PCDHA8: variants seen among roughly 807,000 people sequenced by gnomAD.
PCDHA8 encodes protocadherin alpha 8, also known as protocadherin alpha-8.
In PCDHA8, 53 loss-of-function variants were observed where a neutral mutation model predicts 61.8. The ratio of observed to expected loss-of-function variants is 0.86; its 90% CI spans 0.69 to 1.08. The LOEUF (loss-of-function observed/expected upper bound fraction) is 1.08, where lower values mean the gene tolerates loss of function less well. PCDHA8 is among the 50% of genes least tolerant of loss of function. The probability of loss-of-function intolerance (pLI) is 0.00; values close to 1 mark genes in which losing one functional copy is unlikely to be tolerated. For synonymous variants in PCDHA8, 618 were observed against 556.6 expected (o/e 1.11, Z -1.55); for missense variants, 1,293 against 1,245.0 (o/e 1.04, Z -0.58).
intron 1 of PCDHA8, chr5:140,883,520 G>T (rs1554178526): frequency 6.2e-7 from 1 of 1,614,104 alleles, no homozygotes; most frequent in African/African-American, 1.3e-5. Context: ...CCGCGAGAGC[G>T]TATCAGCCTA....
At position 140,841,556 on chromosome 5, in the gene PCDHA8, C is replaced by A. The variant is rs2150318181; in HGVS notation, c.235C>A (p.Leu79Met). The change falls in exon 1 of 4, where the codon CTG becomes ATG. Residue 79 changes from leucine to methionine, a missense_variant. Leu to Met is a conservative substitution (Grantham distance 15, BLOSUM62 2). Transcript: ENST00000531613. ...KRHRDLLEVS[L>M]QNGILFVNSR... is the part of the protein sequence containing the mutation. ...ACACCGGGACCTTCTGGAGGTAAGT[C>A]TGCAGAATGGCATTTTGTTTGTGAA... 1 of 1,613,884 alleles carries A rather than the reference C, an allele frequency of 6.2e-7. No individual in the cohort carries two copies. Among genetic ancestry groups the A allele is most frequent in the South Asian group, 1.1e-5 (1 of 91,068 alleles).
Position 140,877,150 on chromosome 5 carries a change from G to C in PCDHA8, c.2394+33435G>C, listed in dbSNP as rs370292278. On this transcript the variant is annotated intron_variant, in intron 1 of 3. Transcript: ENST00000531613. ...GCAGGTGTTCGTGCTGGACGAGAAC[G>C]ACAACGCGCCGGCACTGCTGGCGAC... 1 of 1,613,790 alleles carries C rather than the reference G, an allele frequency of 6.2e-7. No individual in the cohort carries two copies. The highest frequency in any genetic ancestry group is 2.2e-5 in the East Asian group (1 of 44,870).
chr5:140,997,668 T>TGTGTG (rs2097778571), intron 3 of PCDHA8, among the ~76,000 whole-genome samples: 1 of 148,244 alleles, frequency 6.7e-6, no homozygotes, highest in African/African-American at 2.5e-5. Flanking sequence ...ATTATACAGC[T>TGTGTG]TGTGTGTGTG....
chr5:140,905,130 GT>G (rs1448449678), intron 1 of PCDHA8, among the ~76,000 whole-genome samples: 11 of 152,178 alleles, frequency 7.2e-5, no homozygotes, highest in African/African-American at 2.7e-4. Flanking sequence ...GTCTAGAAGA[GT>G]TTTTCTGCTG....
intron 1 of PCDHA8, among the ~76,000 whole-genome samples, chr5:140,961,185 G>T (rs2095595656): frequency 6.6e-6 from 1 of 152,100 alleles, no homozygotes; most frequent in Non-Finnish European, 1.5e-5. Context: ...ACTCCTCACA[G>T]GACCCTAGTG....
At chr5:140,849,816 G>A (rs2150451582) in intron 1 of PCDHA8, 4 of 1,598,578 alleles carry the variant, frequency 2.5e-6, no homozygotes, top group East Asian at 2.2e-5. Flanking sequence ...CACGGCCAGG[G>A]TGTCTGTGGA....
chr5:140,994,142 G>C (rs550428204), intron 3 of PCDHA8, among the ~76,000 whole-genome samples: 8 of 152,180 alleles, frequency 5.3e-5, no homozygotes, highest in Admixed American at 4.6e-4. Context: ...AATGCCCTAC[G>C]TAGGTAGGGT....
chr5:140,902,750 A>C (rs1367370245), intron 1 of PCDHA8, among the ~76,000 whole-genome samples: 1 of 151,888 alleles, frequency 6.6e-6, no homozygotes. Flanking sequence ...AATCCATTAT[A>C]TCATTCTTAT....
At chr5:140,927,400 C>G (rs782428365) in intron 1 of PCDHA8, 11 of 1,614,126 alleles carry the variant, frequency 6.8e-6, no homozygotes, top group Non-Finnish European at 8.5e-6. Flanking sequence ...TCAGCACTTT[C>G]GCCTGGACAT....
chr5:140,847,830 A>G lies in PCDHA8; in HGVS notation c.2394+4115A>G, dbSNP rs137920365. The G allele has an allele frequency of 3.3e-5, 5 of 149,914 alleles. No homozygotes were observed. In the East Asian group the frequency reaches 7.7e-4, roughly 23 times the overall value. The allele number at this position is 149,914 out of a possible 1,614,324, so 9.3% of individuals were successfully genotyped here. ...ATTCATAGAATTACTCAAGAAAACT[A>G]CCTCAGTTGGTTGCTACTTTTTGTT... On this transcript the variant is annotated intron_variant, in intron 1 of 3. Transcript: ENST00000531613.
In PCDHA8 at chr5:140,877,704, C is replaced by T. The variant is rs116613760; in HGVS notation, c.2394+33989C>T. 1.6e-3 allele frequency: 2,639 copies of T among 1,613,952 alleles called. 39 individuals are homozygous for T. The African/African-American group carries it at 0.027, about 17-fold the overall frequency. On this transcript the variant is annotated intron_variant, in intron 1 of 3. Coordinates refer to ENST00000531613, the MANE Select transcript of PCDHA8 (RefSeq NM_018911.3). ...AGCCCACGCTGGTGTGCTCCAGCGC[C>T]GTGGGGAGTTGGTCTTACTCGCAGC...
At chr5:140,861,124 A>G (rs1426704260) in intron 1 of PCDHA8, 4 of 153,324 alleles carry the variant, frequency 2.6e-5, no homozygotes, top group African/African-American at 9.6e-5. Flanking sequence ...AACACCCATT[A>G]AGACCACTTG....
intron 1 of PCDHA8, chr5:140,875,400 T>C: frequency 6.7e-7 from 1 of 1,485,268 alleles, no homozygotes; most frequent in Admixed American, 2.6e-5. Flanking sequence ...AAAGGGTGAC[T>C]GCTCATAAAA....
intron 1 of PCDHA8, among the ~76,000 whole-genome samples, chr5:140,963,504 G>T (rs1044640224): frequency 4.6e-5 from 7 of 152,222 alleles, no homozygotes; most frequent in Admixed American, 1.3e-4. Flanking sequence ...CAAATCTCTT[G>T]AAGGGGTTCT....
At position 141,010,124 on chromosome 5, in the gene PCDHA8, G is replaced by C. The variant is rs1161168842; in HGVS notation, c.*187G>C. 1.2e-6 allele frequency: 2 copies of C among 1,605,172 alleles called. No homozygotes were observed. The highest frequency in any genetic ancestry group is 1.1e-5 in the South Asian group (1 of 90,170). On this transcript the variant is annotated 3_prime_UTR_variant, in exon 4 of 4. Coordinates refer to ENST00000531613, the MANE Select transcript of PCDHA8 (RefSeq NM_018911.3). ...GGTTTTGTCGTAAAAGCTTTACTAA[G>C]TCTGGTGTTAACTCTTTCTCTCCAC...
chr5:140,969,822 G>A (rs559271640), intron 1 of PCDHA8, among the ~76,000 whole-genome samples: 68 of 152,320 alleles, frequency 4.5e-4, no homozygotes, highest in Non-Finnish European at 8.4e-4. Flanking sequence ...ACTCTGGACT[G>A]TCTACAGTGG....
intron 1 of PCDHA8, among the ~76,000 whole-genome samples, chr5:140,909,036 C>T (rs2074275767): frequency 6.6e-6 from 1 of 152,162 alleles, no homozygotes; most frequent in Non-Finnish European, 1.5e-5. Flanking sequence ...CATTTATTTT[C>T]CATACTCTGG....
intron 1 of PCDHA8, chr5:140,862,793 A>G: frequency 1.7e-6 from 1 of 576,706 alleles, no homozygotes; most frequent in Non-Finnish European, 3.3e-6. Flanking sequence ...GACTACGAGG[A>G]GCTGGAGCTG....
chr5:140,907,648 G>T (rs2153502267), intron 1 of PCDHA8, among the ~76,000 whole-genome samples: 1 of 152,312 alleles, frequency 6.6e-6, no homozygotes, highest in East Asian at 1.9e-4. Flanking sequence ...TGGCAAATTG[G>T]GCACTCAGCA....
Sources: allele counts gnomAD v4.1 joint callset (sites outside exome capture counted in the v4.1 genomes callset), GRCh38; gene constraint gnomAD v4.1.1; transcripts MANE v1.5; gene names NCBI Gene and HGNC (gene_info 2026-07-23, HGNC 2026-07-21).